The following PDE1A variants were observed in gnomAD, a reference collection of about 807,000 sequenced individuals.
The protein encoded by PDE1A is phosphodiesterase 1A.
A neutral mutation model predicts 61.7 loss-of-function variants in PDE1A; 35 were observed. That is an observed-to-expected ratio of 0.57 (90% CI 0.43 to 0.75). The LOEUF (loss-of-function observed/expected upper bound fraction) is 0.75. Ranked by LOEUF, PDE1A falls within the 30% of genes least tolerant of loss-of-function variation. The pLI, the probability that PDE1A is intolerant of heterozygous loss-of-function variation, is 0.00. For missense variants in PDE1A, 597 were observed against 630.6 expected (o/e 0.95, Z 0.57); for synonymous variants, 232 against 213.2 (o/e 1.09, Z -0.77).
At chr2:182,373,123 C>T (rs1300592881) in intron 1 of PDE1A, among the ~76,000 whole-genome samples, 4 of 152,196 alleles carry the variant, frequency 2.6e-5, no homozygotes, top group African/African-American at 9.6e-5. Flanking sequence ...ATGAAAAATA[C>T]ATCACAGGGG....
intron 7 of PDE1A, among the ~76,000 whole-genome samples, chr2:182,222,684 C>T (rs764073196): frequency 2.0e-5 from 3 of 151,726 alleles, no homozygotes; most frequent in Non-Finnish European, 2.9e-5. Context: ...ACTTCCTGTT[C>T]GATTTTTCTG....
chr2:182,329,873 G>T (rs937395833), intron 1 of PDE1A, among the ~76,000 whole-genome samples: 1 of 152,206 alleles, frequency 6.6e-6, no homozygotes, highest in Non-Finnish European at 1.5e-5. Context: ...CACAACGAAA[G>T]TTCCATGAAA....
At chr2:182,469,580 C>T (rs1686895493) in intron 2 of PDE1A, among the ~76,000 whole-genome samples, 1 of 151,914 alleles carries the variant, frequency 6.6e-6, no homozygotes, top group African/African-American at 2.4e-5. Flanking sequence ...CCTTATAATT[C>T]ATATGTTCAC....
At chr2:182,510,718 C>T (rs1394407848) in intron 2 of PDE1A, among the ~76,000 whole-genome samples, 1 of 152,044 alleles carries the variant, frequency 6.6e-6, no homozygotes, top group African/African-American at 2.4e-5. Context: ...ACCTAAAATC[C>T]ACTATAAGGC....
intron 13 of PDE1A, 136 bp downstream of exon 13, chr2:182,185,756 A>C: frequency 1.3e-6 from 2 of 1,494,784 alleles, no homozygotes; most frequent in Non-Finnish European, 1.8e-6. Flanking sequence ...GAATGATCAA[A>C]GAGTAGCCAA....
At chr2:182,331,507 A>G (rs1168429981) in intron 1 of PDE1A, among the ~76,000 whole-genome samples, 3 of 152,192 alleles carry the variant, frequency 2.0e-5, no homozygotes, top group African/African-American at 7.2e-5. Flanking sequence ...TTCCATATTT[A>G]GTGCTTCCTT....
At chr2:182,205,798 C>T in intron 8 of PDE1A, 142 bp downstream of exon 8, 1 of 678,020 alleles carries the variant, frequency 1.5e-6, no homozygotes, top group Non-Finnish European at 2.4e-6. Context: ...AGTACTAATC[C>T]TTCTCAGAGT....
intron 1 of PDE1A, among the ~76,000 whole-genome samples, chr2:182,285,482 C>T (rs569259814): frequency 4.0e-5 from 6 of 151,844 alleles, no homozygotes; most frequent in African/African-American, 7.2e-5. Context: ...TACTAAGAAA[C>T]GATCTGGTCA....
At chr2:182,212,886 C>T (rs6726121) in intron 7 of PDE1A, among the ~76,000 whole-genome samples, 108,389 of 151,654 alleles carry the variant, frequency 0.71, 39,033 homozygotes, top group East Asian at 0.91. Context: ...ACAAAGCAGC[C>T]GGGAAGCTCG....
At chr2:182,274,267 T>G (rs1438852148) in intron 1 of PDE1A, among the ~76,000 whole-genome samples, 1 of 152,106 alleles carries the variant, frequency 6.6e-6, no homozygotes, top group Non-Finnish European at 1.5e-5. Context: ...TCTTAATTAA[T>G]GCAGTACCAT....
At chr2:182,223,196 G>A (rs1688869360) in intron 7 of PDE1A, among the ~76,000 whole-genome samples, 1 of 151,980 alleles carries the variant, frequency 6.6e-6, no homozygotes, top group Non-Finnish European at 1.5e-5. Flanking sequence ...AAAGGGTGTT[G>A]TCTGTAAGTC....
chr2:182,168,670 T>C (rs774754278), intron 13 of PDE1A, among the ~76,000 whole-genome samples: 8 of 152,146 alleles, frequency 5.3e-5, no homozygotes, highest in Non-Finnish European at 8.8e-5. Flanking sequence ...TATTGTCTGC[T>C]AACAAATAGT....
intron 1 of PDE1A, among the ~76,000 whole-genome samples, chr2:182,425,441 G>A (rs575186781): frequency 2.0e-5 from 3 of 152,124 alleles, no homozygotes; most frequent in Non-Finnish European, 4.4e-5. Flanking sequence ...ACATATTTAA[G>A]TAGAGGGGGA....
Position 182,420,757 on chromosome 2 carries a change from G to A in PDE1A, c.53+5821C>T, listed in dbSNP as rs570957588. Among the ~76,000 whole-genome samples the A allele has an allele frequency of 1.4e-4, 21 of 152,266 alleles. No homozygotes were observed. In the East Asian group the frequency reaches 3.3e-3, roughly 24 times the overall value. ...ACATAACAAAACGTAAGACTTCAGT[G>A]CAGCTGGCTTGGATATTACAAAGAT... On this transcript the variant is annotated intron_variant, in intron 1 of 13. Coordinates refer to ENST00000351439, the Ensembl canonical transcript of PDE1A.
At chr2:182,304,177 C>T (rs536868693) in intron 1 of PDE1A, among the ~76,000 whole-genome samples, 52 of 152,232 alleles carry the variant, frequency 3.4e-4, no homozygotes, top group Admixed American at 3.9e-4. Flanking sequence ...CCACCATACC[C>T]GGCCGATGGC....
chr2:182,694,318 A>G, the PDE1A span, among the ~76,000 whole-genome samples: 2 of 152,200 alleles, frequency 1.3e-5, no homozygotes, highest in East Asian at 1.9e-4. Context: ...TCTTAGTTCT[A>G]TTGAGATATA....
At chr2:182,411,118 A>G (rs1702587378) in intron 1 of PDE1A, among the ~76,000 whole-genome samples, 1 of 152,170 alleles carries the variant, frequency 6.6e-6, no homozygotes, top group South Asian at 2.1e-4. Flanking sequence ...ACCCTAGAAG[A>G]CCCTTTCATG....
the PDE1A span, among the ~76,000 whole-genome samples, chr2:182,627,326 A>ATG: frequency 1.8e-5 from 2 of 112,142 alleles, no homozygotes; most frequent in Non-Finnish European, 3.4e-5. Context: ...TATATTATAT[A>ATG]TATAAATTTA....
At chr2:182,219,218 G>T (rs779989382) in intron 7 of PDE1A, among the ~76,000 whole-genome samples, 1 of 152,146 alleles carries the variant, frequency 6.6e-6, no homozygotes, top group East Asian at 1.9e-4. Flanking sequence ...TTAAAAGGAA[G>T]ATTTTATTTT....
Sources: allele counts gnomAD v4.1 joint callset (sites outside exome capture counted in the v4.1 genomes callset), GRCh38; gene constraint gnomAD v4.1.1; transcripts MANE v1.5; gene names NCBI Gene and HGNC (gene_info 2026-07-23, HGNC 2026-07-21).